The following DOCK4 variants were observed in gnomAD, a reference collection of about 807,000 sequenced individuals.
DOCK4 encodes the protein dedicator of cytokinesis protein 4.
In DOCK4, 97 loss-of-function variants were observed where a neutral mutation model predicts 268.1. The observed-to-expected ratio is 0.36, with a 90% CI of 0.31 to 0.43. DOCK4 has a LOEUF of 0.43. DOCK4 is among the 20% of genes least tolerant of loss of function. The pLI is 1.00. For synonymous variants in DOCK4, 954 were observed against 887.2 expected (o/e 1.08, Z -1.34); for missense variants, 2,145 against 2,455.7 (o/e 0.87, Z 2.67).
intron 1 of DOCK4, among the ~76,000 whole-genome samples, chr7:112,087,578 T>C (rs1809213671): frequency 6.6e-6 from 1 of 152,082 alleles, no homozygotes; most frequent in South Asian, 2.1e-4. Context: ...TAATAAAATG[T>C]CTAGGAAAAA....
intron 39 of DOCK4, among the ~76,000 whole-genome samples, chr7:111,764,066 C>T (rs974564973): frequency 2.0e-5 from 3 of 152,128 alleles, no homozygotes; most frequent in Admixed American, 1.3e-4. Context: ...TGTGACCGCC[C>T]ACTACACTGT....
intron 10 of DOCK4, 129 bp downstream of exon 10, chr7:111,944,682 T>C: frequency 1.1e-6 from 1 of 887,864 alleles, no homozygotes; most frequent in Non-Finnish European, 1.8e-6. Context: ...CTTCTGTGAT[T>C]CTTGGATTCA....
intron 1 of DOCK4, among the ~76,000 whole-genome samples, chr7:112,103,026 T>A (rs1810830512): frequency 6.6e-6 from 1 of 152,218 alleles, no homozygotes; most frequent in African/African-American, 2.4e-5. Flanking sequence ...ACCCCACAGA[T>A]GCCTAGACCT....
intron 16 of DOCK4, among the ~76,000 whole-genome samples, chr7:111,886,638 C>A (rs1807868761): frequency 6.6e-6 from 1 of 152,088 alleles, no homozygotes; most frequent in Non-Finnish European, 1.5e-5. Flanking sequence ...AGAAACAATA[C>A]ACTTAAAGGC....
At chr7:112,122,319 T>C (rs1182357781) in intron 1 of DOCK4, among the ~76,000 whole-genome samples, 1 of 152,202 alleles carries the variant, frequency 6.6e-6, no homozygotes, top group African/African-American at 2.4e-5. Context: ...ACCCATTAAC[T>C]CCTCTTTCCT....
intron 1 of DOCK4, among the ~76,000 whole-genome samples, chr7:112,178,722 CT>C (rs1217937007): frequency 6.6e-6 from 1 of 152,142 alleles, no homozygotes; most frequent in Non-Finnish European, 1.5e-5. Flanking sequence ...GTTTTGCACA[CT>C]TTTTAAAAAA....
At chr7:112,200,204 A>G (rs555062087) in intron 1 of DOCK4, among the ~76,000 whole-genome samples, 1 of 151,950 alleles carries the variant, frequency 6.6e-6, no homozygotes, top group Non-Finnish European at 1.5e-5. Flanking sequence ...AGTGACAAGT[A>G]TTTTTTTTAA....
At chr7:111,890,091 G>C (rs1426080689) in intron 16 of DOCK4, among the ~76,000 whole-genome samples, 1 of 152,092 alleles carries the variant, frequency 6.6e-6, no homozygotes, top group Non-Finnish European at 1.5e-5. Context: ...AGAATGAATG[G>C]GGACTTGAGC....
intron 1 of DOCK4, among the ~76,000 whole-genome samples, chr7:112,068,753 A>T (rs1206465086): frequency 3.3e-5 from 5 of 152,138 alleles, no homozygotes; most frequent in Non-Finnish European, 5.9e-5. Context: ...CACCTCTTGT[A>T]GGCTCTGTAG....
At chr7:111,848,925 T>A (rs1804324282) in intron 23 of DOCK4, among the ~76,000 whole-genome samples, 1 of 152,178 alleles carries the variant, frequency 6.6e-6, no homozygotes, top group Non-Finnish European at 1.5e-5. Context: ...ACCATCCCTT[T>A]ATCTGCACAG....
intron 1 of DOCK4, among the ~76,000 whole-genome samples, chr7:112,192,414 C>T (rs1256054179): frequency 6.6e-6 from 1 of 152,138 alleles, no homozygotes; most frequent in Non-Finnish European, 1.5e-5. Context: ...TGGGAAGTAT[C>T]TCAATATGAA....
At chr7:112,181,639 C>CAAAAA (rs55807955) in intron 1 of DOCK4, among the ~76,000 whole-genome samples, 2,987 of 65,024 alleles carry the variant, frequency 0.046, 391 homozygotes, top group African/African-American at 0.15. Flanking sequence ...GACACTGTCT[C>CAAAAA]AAAAAAAAAA....
intron 1 of DOCK4, among the ~76,000 whole-genome samples, chr7:112,039,622 A>G (rs1427054969): frequency 4.6e-5 from 7 of 152,138 alleles, no homozygotes. Flanking sequence ...ACCTAGGTAT[A>G]TGGGCTAGAG....
At chr7:111,977,307 A>C (rs773665086) in intron 7 of DOCK4, 24 bp from the exon 8 acceptor site, 1 of 1,578,606 alleles carries the variant, frequency 6.3e-7, no homozygotes, top group Admixed American at 1.8e-5. Context: ...CCCAACAAAA[A>C]CATGATCAGC....
intron 1 of DOCK4, among the ~76,000 whole-genome samples, chr7:112,190,164 G>T (rs1465106559): frequency 6.6e-6 from 1 of 152,032 alleles, no homozygotes; most frequent in East Asian, 1.9e-4. Flanking sequence ...CCTCATCCAA[G>T]GAACCCATTC....
intron 26 of DOCK4, among the ~76,000 whole-genome samples, chr7:111,826,973 T>A (rs1448778095): frequency 6.6e-6 from 1 of 152,092 alleles, no homozygotes; most frequent in Non-Finnish European, 1.5e-5. Flanking sequence ...GAGAAATGAA[T>A]CCTGAGTTCA....
intron 26 of DOCK4, among the ~76,000 whole-genome samples, chr7:111,831,315 T>C (rs1307000395): frequency 6.6e-6 from 1 of 152,084 alleles, no homozygotes; most frequent in East Asian, 1.9e-4. Flanking sequence ...ATATTATCAG[T>C]CATCAAGTCC....
intron 39 of DOCK4, among the ~76,000 whole-genome samples, chr7:111,760,738 T>G (rs10246755): frequency 1.2e-4 from 17 of 136,908 alleles, no homozygotes; most frequent in South Asian, 2.6e-4. Context: ...TGTCTGCTTT[T>G]TGTGTGTGTG....
intron 1 of DOCK4, among the ~76,000 whole-genome samples, chr7:112,012,732 A>G (rs1015543535): frequency 6.6e-6 from 1 of 152,234 alleles, no homozygotes; most frequent in Non-Finnish European, 1.5e-5. Context: ...ATTTAAGATT[A>G]AGAACTAAGA....
Sources: gnomAD v4.1 joint callset for allele counts (sites outside exome capture counted in the v4.1 genomes callset) on GRCh38, gnomAD v4.1.1 for gene constraint, MANE v1.5 for transcripts, NCBI Gene and HGNC (gene_info 2026-07-23, HGNC 2026-07-21) for gene names.